The following CAMTA1 variants were observed in gnomAD, a reference collection of about 807,000 sequenced individuals.
The protein encoded by CAMTA1 is calmodulin binding transcription activator 1, also known as calmodulin-binding transcription activator 1.
A neutral mutation model predicts 170.9 loss-of-function variants in CAMTA1; 27 were observed. The observed-to-expected ratio is 0.16, with a 90% CI of 0.12 to 0.22. The LOEUF (loss-of-function observed/expected upper bound fraction) is 0.22, where lower values mean the gene tolerates loss of function less well. Ranked by LOEUF, CAMTA1 falls within the 10% of genes least tolerant of loss-of-function variation. CAMTA1 has a pLI of 1.00. For synonymous variants in CAMTA1, 833 were observed against 891.5 expected, an observed-to-expected ratio of 0.93 and a Z score of 1.17; for missense variants, 1,619 against 2,217.2, an observed-to-expected ratio of 0.73 and a Z score of 5.42.
intron 5 of CAMTA1, among the ~76,000 whole-genome samples, chr1:7,368,276 G>A (rs1181285667): frequency 1.3e-5 from 2 of 150,960 alleles, no homozygotes; most frequent in African/African-American, 4.9e-5. Flanking sequence ...GGCACTCATG[G>A]TTTCACTGGG....
At chr1:7,045,877 T>C (rs1705301901) in intron 3 of CAMTA1, among the ~76,000 whole-genome samples, 4 of 152,210 alleles carry the variant, frequency 2.6e-5, no homozygotes, top group African/African-American at 9.7e-5. Flanking sequence ...ATGTGCCCGA[T>C]TTAGATGTTT....
intron 5 of CAMTA1, among the ~76,000 whole-genome samples, chr1:7,437,680 C>G (rs954214589): frequency 6.6e-6 from 1 of 152,302 alleles, no homozygotes; most frequent in Middle Eastern, 3.4e-3. Flanking sequence ...AGACCCCTCC[C>G]CTGGGAAACC....
At chr1:7,069,979 C>T (rs578165064) in intron 3 of CAMTA1, among the ~76,000 whole-genome samples, 4 of 152,358 alleles carry the variant, frequency 2.6e-5, no homozygotes, top group Admixed American at 6.5e-5. Flanking sequence ...GCCTGCTACT[C>T]CTTGCCGCGG....
intron 1 of CAMTA1, among the ~76,000 whole-genome samples, chr1:6,797,559 T>A (rs1642833119): frequency 6.7e-6 from 1 of 150,328 alleles, no homozygotes; most frequent in Non-Finnish European, 1.5e-5. Flanking sequence ...CTAATTTTTG[T>A]TTTTTTTAGC....
intron 4 of CAMTA1, among the ~76,000 whole-genome samples, chr1:7,187,983 G>A (rs1425451761): frequency 6.6e-6 from 1 of 152,166 alleles, no homozygotes; most frequent in East Asian, 1.9e-4. Flanking sequence ...TCACAGTTCT[G>A]CATGGCTGGG....
At chr1:7,181,276 A>G (rs940145554) in intron 4 of CAMTA1, among the ~76,000 whole-genome samples, 8 of 152,230 alleles carry the variant, frequency 5.3e-5, no homozygotes, top group African/African-American at 1.9e-4. Context: ...TCCTAAAGTC[A>G]GGATGCTTGT....
Position 7,122,323 on chromosome 1 carries a change from G to A in CAMTA1, c.302+30952G>A, listed in dbSNP as rs141855227. Among the ~76,000 whole-genome samples, 296 of 152,224 alleles carry A rather than the reference G, an allele frequency of 1.9e-3. 3 individuals are homozygous for A. The South Asian group carries it at 0.027, about 14-fold the overall frequency. ...ACAGCCACGTGCACCCCAGGGATGA[G>A]TGAGAAGCCACCCCCACCCCTAAGA... On this transcript the variant is annotated intron_variant, in intron 4 of 22. Coordinates refer to ENST00000303635, the MANE Select transcript of CAMTA1 (RefSeq NM_015215.4).
chr1:7,290,009 C>A (rs1200797568), intron 5 of CAMTA1, among the ~76,000 whole-genome samples: 2 of 152,230 alleles, frequency 1.3e-5, no homozygotes, highest in Non-Finnish European at 2.9e-5. Context: ...CTTCTGGCAT[C>A]CAGAACTCTG....
At position 7,300,128 on chromosome 1, in the gene CAMTA1, T is replaced by G. The variant is rs1037506053; in HGVS notation, c.438+50502T>G. ...TGAGATAGCATTCTTAAAAAAAAAT[T>G]CCCTTCGCAATAAAGCACCAGATTG... On this transcript the variant is annotated intron_variant, in intron 5 of 22. Coordinates refer to ENST00000303635, the MANE Select transcript of CAMTA1 (RefSeq NM_015215.4). This position sits in a 1 kb window ranked among gnomAD's most constrained non-coding sequence, Gnocchi z 4.1. Among the ~76,000 whole-genome samples the G allele has an allele frequency of 1.1e-4, 17 of 152,080 alleles. No homozygotes were observed.
At chr1:7,190,441 G>A (rs1343308386) in intron 4 of CAMTA1, among the ~76,000 whole-genome samples, 4 of 151,984 alleles carry the variant, frequency 2.6e-5, no homozygotes, top group South Asian at 2.1e-4. Flanking sequence ...ATTCTTATAC[G>A]TGTGTAGAAA....
chr1:7,327,220 C>T (rs529465874), intron 5 of CAMTA1, among the ~76,000 whole-genome samples: 5 of 151,442 alleles, frequency 3.3e-5, no homozygotes, highest in Admixed American at 6.6e-5. Flanking sequence ...ATCGAGACCA[C>T]GGTGAAACCC....
chr1:6,837,072 G>A (rs1488590527), intron 3 of CAMTA1, among the ~76,000 whole-genome samples: 1 of 151,836 alleles, frequency 6.6e-6, no homozygotes, highest in Non-Finnish European at 1.5e-5. Context: ...TCCTGCCTCA[G>A]CCTCCCAAGC....
At chr1:6,999,789 C>T (rs1697934921) in intron 3 of CAMTA1, among the ~76,000 whole-genome samples, 1 of 152,186 alleles carries the variant, frequency 6.6e-6, no homozygotes, top group South Asian at 2.1e-4. Context: ...TGCACCCTCA[C>T]TTGTGCTCTT....
intron 3 of CAMTA1, among the ~76,000 whole-genome samples, chr1:6,854,033 A>T (rs550930148): frequency 6.6e-6 from 1 of 152,356 alleles, no homozygotes; most frequent in South Asian, 2.1e-4. Flanking sequence ...AGATTTCCAT[A>T]ACATAATGAA....
chr1:7,242,502 G>A (rs557643068), intron 4 of CAMTA1, among the ~76,000 whole-genome samples: 7 of 152,274 alleles, frequency 4.6e-5, no homozygotes, highest in African/African-American at 1.7e-4. Context: ...TTCTTGTAGG[G>A]TAGGTATGAT....
At chr1:7,449,128 C>T (rs1304867341) in intron 5 of CAMTA1, among the ~76,000 whole-genome samples, 2 of 152,194 alleles carry the variant, frequency 1.3e-5, no homozygotes, top group African/African-American at 2.4e-5. Context: ...TTAAGGAAAA[C>T]AGCAAAGAAA....
intron 4 of CAMTA1, among the ~76,000 whole-genome samples, chr1:7,145,836 G>A (rs777921674): frequency 1.3e-5 from 2 of 152,342 alleles, no homozygotes; most frequent in South Asian, 2.1e-4. Flanking sequence ...GCCCTTCAGC[G>A]AAATGTGGAG....
chr1:7,472,966 C>G (rs1045747286), intron 6 of CAMTA1, among the ~76,000 whole-genome samples: 3 of 152,198 alleles, frequency 2.0e-5, no homozygotes, highest in Non-Finnish European at 4.4e-5. Flanking sequence ...CTCACCACCC[C>G]CCAGGAGAGG....
At position 6,887,856 on chromosome 1, in the gene CAMTA1, G is replaced by C. The variant is rs758039047; in HGVS notation, c.234+62646G>C. On this transcript the variant is annotated intron_variant, in intron 3 of 22. Transcript: ENST00000303635. This position sits in a 1 kb window ranked among gnomAD's most constrained non-coding sequence, Gnocchi z 4.1. ...AACCCCAAATTAATTTGAACCGAAT[G>C]TTACTAAAAATGAAATAGAATAAAG... 4 of 1,436,584 alleles carry C rather than the reference G, an allele frequency of 2.8e-6. No individual in the cohort carries two copies. Among genetic ancestry groups the C allele is most frequent in the Non-Finnish European group, 3.6e-6 (4 of 1,097,416 alleles). The allele number at this position is 1,436,584 out of a possible 1,614,324, so 89.0% of individuals were successfully genotyped here.
Sources: gnomAD v4.1 joint callset for allele counts (sites outside exome capture counted in the v4.1 genomes callset) on GRCh38, gnomAD v4.1.1 for gene constraint, Gnocchi (gnomAD v3.1) non-coding constraint, MANE v1.5 for transcripts, NCBI Gene and HGNC (gene_info 2026-07-23, HGNC 2026-07-21) for gene names.